RXRG: variants seen among roughly 807,000 people sequenced by gnomAD.
RXRG encodes the protein retinoic acid receptor RXR-gamma.
In RXRG, 19 loss-of-function variants were observed where a neutral mutation model predicts 49.2. The ratio of observed to expected loss-of-function variants is 0.39; its 90% CI spans 0.27 to 0.57. The LOEUF is 0.57. RXRG is among the 20% of genes least tolerant of loss of function. RXRG has a pLI of 0.64. For missense variants in RXRG, 452 were observed against 592.5 expected (o/e 0.76, Z 2.46); for synonymous variants, 224 against 216.6 (o/e 1.03, Z -0.30).
chr1:165,409,546 G>A lies in RXRG; in HGVS notation c.1046+12C>T. On this transcript the variant is annotated intron_variant, in intron 7 of 9. Transcript: ENST00000359842. ...ATAATACACACAAATACTGGAAGCA[G>A]GAGAGAGACACCTGTCAAAGATGGA... 6.8e-7 allele frequency: 1 copy of A among 1,460,050 alleles called. No individual in the cohort carries two copies. The highest frequency in any genetic ancestry group is 9.0e-7 in the Non-Finnish European group (1 of 1,105,092). 90.4% of individuals were successfully genotyped at this position (1,460,050 alleles called of 1,614,324 possible).
Position 165,411,158 on chromosome 1 carries a change from A to C in RXRG, c.623-49T>G, listed in dbSNP as rs968780221. ...AGGTTACCATAATGCCCAGGACAAC[A>C]GTGGGAAAGTTTATTACCCACATGA... On this transcript the variant is annotated intron_variant, in intron 4 of 9. Coordinates refer to ENST00000359842, the MANE Select transcript of RXRG (RefSeq NM_006917.5). The C allele has an allele frequency of 2.5e-6, 4 of 1,578,110 alleles. No homozygotes were observed. The African/African-American group carries it at 5.4e-5, about 21-fold the overall frequency.
At position 165,401,167 on chromosome 1, in the gene RXRG, G is replaced by A. The variant is rs1357975604; in HGVS notation, c.*96C>T. On this transcript the variant is annotated 3_prime_UTR_variant, in exon 10 of 10. Coordinates refer to ENST00000359842, the MANE Select transcript of RXRG (RefSeq NM_006917.5). ...AGCATCACATTTTGGGGACAGGAAGGGGGTCAGGGTGGGAGGTGGAGGAAA... is the reference window on the plus strand; with the variant it reads ...AGCATCACATTTTGGGGACAGGAAGAGGGTCAGGGTGGGAGGTGGAGGAAA... The A allele has an allele frequency of 1.7e-6, 2 of 1,158,516 alleles. No homozygotes were observed. The highest frequency in any genetic ancestry group is 1.2e-6 in the Non-Finnish European group (1 of 805,842). The allele number at this position is 1,158,516 out of a possible 1,614,324, so 71.8% of individuals were successfully genotyped here.
At chr1:165,403,559 A>G (rs1301366059) in intron 9 of RXRG, among the ~76,000 whole-genome samples, 1 of 152,248 alleles carries the variant, frequency 6.6e-6, no homozygotes, top group East Asian at 1.9e-4. Context: ...ATCTATGCCA[A>G]TGCTACACAT....
rs192182393 is a variant in RXRG, at chr1:165,434,143, T to C, written c.50-5177A>G. Among the ~76,000 whole-genome samples, 8 of 152,340 alleles carry C rather than the reference T, an allele frequency of 5.3e-5. No individual in the cohort carries two copies. The East Asian group carries it at 1.5e-3, about 29-fold the overall frequency. On this transcript the variant is annotated intron_variant, in intron 1 of 9. Transcript: ENST00000359842. ...GGACTGCTGAGAGCTCCTGAGACTA[T>C]GAGGTCCATTAATTTTTTGTTAATT... is the stretch of plus-strand genomic sequence containing the variant.
At chr1:165,433,150 A>G (rs1423607661) in intron 1 of RXRG, among the ~76,000 whole-genome samples, 1 of 151,968 alleles carries the variant, frequency 6.6e-6, no homozygotes, top group Non-Finnish European at 1.5e-5. Context: ...CAATTTGTCC[A>G]TTTTTCCATC....
At chr1:165,408,960 A>T (rs1225542163) in intron 7 of RXRG, among the ~76,000 whole-genome samples, 1 of 152,190 alleles carries the variant, frequency 6.6e-6, no homozygotes, top group Admixed American at 6.5e-5. Context: ...CTCTCAAGTC[A>T]TTAACTACTC....
rs57955749 is a variant in RXRG, at chr1:165,444,894, G to A, written c.-1C>T. The A allele has an allele frequency of 1.3e-3, 2,035 of 1,613,904 alleles. 28 individuals carry two copies. In the African/African-American group the frequency reaches 0.024, roughly 19 times the overall value. ...TGAAGTGAGAATAATTTCCATACAT[G>A]TTTACTCGTCAGTTCATGTTCCTCT... On this transcript the variant is annotated 5_prime_UTR_variant, in exon 1 of 10. Coordinates refer to ENST00000359842, the MANE Select transcript of RXRG (RefSeq NM_006917.5).
At chr1:165,436,632 A>G (rs897084331) in intron 1 of RXRG, among the ~76,000 whole-genome samples, 2 of 152,216 alleles carry the variant, frequency 1.3e-5, no homozygotes, top group African/African-American at 4.8e-5. Context: ...CTACGTTTTA[A>G]CAAATCATCC....
chr1:165,444,745 TCTC>T, intron 1 of RXRG, 97 bp downstream of exon 1: 1 of 1,050,466 alleles, frequency 9.5e-7, no homozygotes. Flanking sequence ...ACATATATGT[TCTC>T]CTTTTAATTC....
rs1658257741 is a variant in RXRG, at chr1:165,419,977, A to G, written c.335T>C (p.Ile112Thr). 6.2e-7 allele frequency: 1 copy of G among 1,612,920 alleles called. No homozygotes were observed. The highest frequency in any genetic ancestry group is 8.5e-7 in the Non-Finnish European group (1 of 1,179,456). Residue 112 changes from isoleucine to threonine, a missense_variant, in exon 3 of 10, where the codon ATC (isoleucine) becomes ACC (threonine). Ile to Thr is a moderately conservative substitution (Grantham distance 89). Transcript: ENST00000359842. ...VVNSVSSSED[I>T]KPLPGLPGIG... ...CCCGGGAAGCCCTGGTAAGGGCTTGATGTCCTCTGAACTGCTGACACTGTT... is the reference window on the plus strand; with the variant it reads ...CCCGGGAAGCCCTGGTAAGGGCTTGGTGTCCTCTGAACTGCTGACACTGTT...
intron 1 of RXRG, among the ~76,000 whole-genome samples, chr1:165,440,458 G>T (rs1250689408): frequency 6.6e-6 from 1 of 152,108 alleles, no homozygotes; most frequent in African/African-American, 2.4e-5. Flanking sequence ...TACCAATTGA[G>T]CATCTATAAT....
At chr1:165,401,440 A>G in intron 9 of RXRG, 30 bp from the exon 10 acceptor site, 6 of 1,611,910 alleles carry the variant, frequency 3.7e-6, no homozygotes, top group Middle Eastern at 3.5e-4. Flanking sequence ...CATCAGGGAC[A>G]GGGACGGGCA....
intron 1 of RXRG, among the ~76,000 whole-genome samples, chr1:165,442,147 C>T (rs2101751181): frequency 6.6e-6 from 1 of 152,320 alleles, no homozygotes; most frequent in Non-Finnish European, 1.5e-5. Context: ...TGCCGTGCAA[C>T]TTGCTGCACT....
chr1:165,442,473 C>A (rs562610013), intron 1 of RXRG, among the ~76,000 whole-genome samples: 1 of 152,344 alleles, frequency 6.6e-6, no homozygotes, highest in South Asian at 2.1e-4. Context: ...CTATACTATA[C>A]TGAACTATTT....
intron 2 of RXRG, among the ~76,000 whole-genome samples, chr1:165,425,540 C>T (rs1658455810): frequency 6.6e-6 from 1 of 152,162 alleles, no homozygotes; most frequent in South Asian, 2.1e-4. Flanking sequence ...AATGTACTTT[C>T]TGTCTGTAAC....
chr1:165,404,443 A>G (rs1657681210), intron 9 of RXRG, among the ~76,000 whole-genome samples: 1 of 152,260 alleles, frequency 6.6e-6, no homozygotes. Flanking sequence ...AAGTGATATG[A>G]ATTAGAAACA....
intron 1 of RXRG, among the ~76,000 whole-genome samples, chr1:165,439,648 C>T (rs1232628870): frequency 6.6e-6 from 1 of 152,214 alleles, no homozygotes; most frequent in Non-Finnish European, 1.5e-5. Flanking sequence ...GATTTTTCCC[C>T]ACTGAGGAAG....
intron 1 of RXRG, among the ~76,000 whole-genome samples, chr1:165,431,856 T>C (rs930441013): frequency 4.6e-5 from 7 of 152,208 alleles, no homozygotes; most frequent in African/African-American, 9.6e-5. Context: ...AATAGTTTTA[T>C]ATTTATGCTT....
intron 2 of RXRG, among the ~76,000 whole-genome samples, chr1:165,422,664 C>T (rs1442925035): frequency 1.3e-5 from 2 of 152,144 alleles, no homozygotes; most frequent in African/African-American, 4.8e-5. Flanking sequence ...AGCTGAATTG[C>T]CTTGCTAGGA....
Sources: gnomAD v4.1 joint callset for allele counts (sites outside exome capture counted in the v4.1 genomes callset) on GRCh38, gnomAD v4.1.1 for gene constraint, MANE v1.5 for transcripts, NCBI Gene and HGNC (gene_info 2026-07-23, HGNC 2026-07-21) for gene names.